Variants in NRCAM observed in about 807,000 individuals in gnomAD.
NRCAM encodes NgCAM-related cell adhesion molecule.
In NRCAM, 83 loss-of-function variants were observed where a neutral mutation model predicts 156.5. The ratio of observed to expected loss-of-function variants is 0.53; its 90% CI spans 0.44 to 0.64. The LOEUF is 0.64. NRCAM is among the 30% of genes least tolerant of loss of function. The probability of loss-of-function intolerance (pLI) is 0.00; values close to 1 mark genes in which losing one functional copy is unlikely to be tolerated. For synonymous variants in NRCAM, 538 were observed against 563.9 expected (o/e 0.95, Z 0.65); for missense variants, 1,417 against 1,597.3 (o/e 0.89, Z 1.92).
chr7:108,219,296 A>C (rs557142969), intron 11 of NRCAM, among the ~76,000 whole-genome samples: 67 of 152,310 alleles, frequency 4.4e-4, no homozygotes, highest in African/African-American at 1.6e-3. Flanking sequence ...AATTGGTACC[A>C]ATCCTTTTGA....
intron 2 of NRCAM, among the ~76,000 whole-genome samples, chr7:108,391,566 C>A (rs1186618104): frequency 6.6e-6 from 1 of 151,914 alleles, no homozygotes; most frequent in Non-Finnish European, 1.5e-5. Context: ...AGCATTTAGC[C>A]CATTTACATT....
At chr7:108,283,679 TGCAGTGTGTG>T (rs1360669414) in intron 3 of NRCAM, among the ~76,000 whole-genome samples, 1 of 152,226 alleles carries the variant, frequency 6.6e-6, no homozygotes, top group Non-Finnish European at 1.5e-5. Context: ...TTGGCTTTTC[TGCAGTGTGTG>T]GCACTGTTGA....
At chr7:108,297,975 G>A (rs915928612) in intron 3 of NRCAM, among the ~76,000 whole-genome samples, 1 of 152,166 alleles carries the variant, frequency 6.6e-6, no homozygotes, top group South Asian at 2.1e-4. Flanking sequence ...TGTGGTGGGA[G>A]CATCCTGGCT....
intron 2 of NRCAM, among the ~76,000 whole-genome samples, chr7:108,347,563 C>A (rs916971030): frequency 2.0e-5 from 3 of 152,090 alleles, no homozygotes; most frequent in African/African-American, 4.8e-5. Flanking sequence ...GAATGAGAAC[C>A]ATCCCCTGAG....
intron 15 of NRCAM, 103 bp downstream of exon 15, chr7:108,195,658 T>C (rs2074623408): frequency 7.6e-6 from 5 of 654,756 alleles, no homozygotes; most frequent in Non-Finnish European, 1.4e-5. Flanking sequence ...GATTGTGTGG[T>C]GCCTTTCCCT....
chr7:108,201,053 C>G (rs1331402151), intron 13 of NRCAM, among the ~76,000 whole-genome samples: 1 of 151,788 alleles, frequency 6.6e-6, no homozygotes, highest in African/African-American at 2.4e-5. Context: ...GCTCGGGTGG[C>G]CGGTGCACCA....
chr7:108,333,091 G>A (rs570637375), intron 2 of NRCAM, among the ~76,000 whole-genome samples: 12 of 152,102 alleles, frequency 7.9e-5, no homozygotes, highest in Admixed American at 2.0e-4. Context: ...ACAGAAATAC[G>A]ATCAGTGTTC....
rs184696786 is a variant in NRCAM, at chr7:108,200,834, A to G, written c.1208-2735T>C. 5.5e-3 allele frequency among the ~76,000 whole-genome samples: 840 copies of G among 152,060 alleles called. 10 individuals carry two copies. The highest frequency in any genetic ancestry group is 0.019 in the African/African-American group (803 of 41,450). ...AAAGAAATGAAATAATGGCATTCAC[A>G]GCAACCTAGATGGAATTGGAGATCA... On this transcript the variant is annotated intron_variant, in intron 13 of 32. Transcript: ENST00000379028.
At chr7:108,265,815 C>T (rs2097083105) in intron 3 of NRCAM, among the ~76,000 whole-genome samples, 1 of 152,184 alleles carries the variant, frequency 6.6e-6, no homozygotes, top group African/African-American at 2.4e-5. Context: ...CACATTCATA[C>T]CTTGATGAGA....
At chr7:108,298,974 T>G (rs2098513562) in intron 3 of NRCAM, among the ~76,000 whole-genome samples, 1 of 148,256 alleles carries the variant, frequency 6.7e-6, no homozygotes, top group Admixed American at 6.8e-5. Context: ...CGCCTGGTGG[T>G]GCATGTCTGT....
intron 1 of NRCAM, among the ~76,000 whole-genome samples, chr7:108,413,276 G>GTC (rs1295404704): frequency 6.6e-6 from 1 of 152,154 alleles, no homozygotes; most frequent in Non-Finnish European, 1.5e-5. Flanking sequence ...TTTCCCTGAT[G>GTC]ATTAGTATGT....
chr7:108,208,251 A>C (rs2082235085), intron 12 of NRCAM, among the ~76,000 whole-genome samples: 1 of 152,054 alleles, frequency 6.6e-6, no homozygotes, highest in Non-Finnish European at 1.5e-5. Context: ...GGTTGCAGTG[A>C]GCCAAGATAG....
intron 3 of NRCAM, among the ~76,000 whole-genome samples, chr7:108,285,537 A>T (rs2098061452): frequency 6.6e-6 from 1 of 152,220 alleles, no homozygotes; most frequent in Admixed American, 6.5e-5. Context: ...TCCCAAGGAT[A>T]ACAGACTAAC....
intron 2 of NRCAM, among the ~76,000 whole-genome samples, chr7:108,360,297 G>A (rs2099540601): frequency 1.3e-5 from 2 of 152,090 alleles, no homozygotes; most frequent in Admixed American, 6.6e-5. Flanking sequence ...ATCTCTGCAA[G>A]GCCTAGGCTT....
chr7:108,242,643 T>C (rs1482173112), intron 3 of NRCAM, among the ~76,000 whole-genome samples: 1 of 152,182 alleles, frequency 6.6e-6, no homozygotes. Flanking sequence ...ATTATACATA[T>C]TGAGATAAAA....
At chr7:108,241,344 T>C (rs1284035118) in intron 3 of NRCAM, among the ~76,000 whole-genome samples, 2 of 152,126 alleles carry the variant, frequency 1.3e-5, no homozygotes, top group African/African-American at 2.4e-5. Context: ...AACATATTAA[T>C]AGAAGATTGA....
chr7:108,365,389 G>A (rs2099585781), intron 2 of NRCAM, among the ~76,000 whole-genome samples: 2 of 151,682 alleles, frequency 1.3e-5, no homozygotes, highest in Admixed American at 6.6e-5. Context: ...ATCTTCAAAA[G>A]TTTTATTTTA....
At chr7:108,182,490 G>T (rs1465869149) in intron 23 of NRCAM, among the ~76,000 whole-genome samples, 1 of 152,220 alleles carries the variant, frequency 6.6e-6, no homozygotes, top group African/African-American at 2.4e-5. Flanking sequence ...CCAATCCCCT[G>T]TGGATACCAA....
At chr7:108,347,032 G>GTTTTTTTTTTTTT (rs754160030) in intron 2 of NRCAM, among the ~76,000 whole-genome samples, 14 of 83,048 alleles carry the variant, frequency 1.7e-4, no homozygotes, top group East Asian at 4.0e-4. Flanking sequence ...TTATATTTCT[G>GTTTTTTTTTTTTT]TTTTTTTTTT....
Sources: gnomAD v4.1 joint callset for allele counts (sites outside exome capture counted in the v4.1 genomes callset) on GRCh38, gnomAD v4.1.1 for gene constraint, MANE v1.5 for transcripts, NCBI Gene and HGNC (gene_info 2026-07-23, HGNC 2026-07-21) for gene names.